Variants in ZCWPW2 observed in about 807,000 individuals in gnomAD.
ZCWPW2 encodes the protein zinc finger CW-type and PWWP domain containing 2, also known as zinc finger CW-type PWWP domain protein 2.
ZCWPW2 carries 45 observed loss-of-function variants against 46.6 expected under a neutral mutation model. The observed-to-expected ratio is 0.96, with a 90% CI of 0.76 to 1.24. ZCWPW2 has a LOEUF of 1.24. Among genes scored for constraint, ZCWPW2 ranks in the 50% most tolerant of loss-of-function variants. ZCWPW2 has a pLI of 0.00. For missense variants in ZCWPW2, 429 were observed against 403.9 expected (o/e 1.06, Z -0.53); for synonymous variants, 152 against 137.1 (o/e 1.11, Z -0.76).
chr3:28,479,013 A>G, intron 5 of ZCWPW2, 82 bp downstream of exon 5: 1 of 864,312 alleles, frequency 1.2e-6, no homozygotes, highest in Non-Finnish European at 1.8e-6. Context: ...TGCTCATTCA[A>G]AAATCTCTAT....
In ZCWPW2 at chr3:28,397,813, G is replaced by A. The variant is rs562192387; in HGVS notation, c.-14+7196G>A. Among the ~76,000 whole-genome samples the A allele has an allele frequency of 1.3e-3, 191 of 152,032 alleles. 1 individual carries two copies. Among genetic ancestry groups the A allele is most frequent in the Non-Finnish European group, 1.6e-3 (108 of 67,990 alleles). ...AAAGCTATACATACCTATAATAATC[G>A]TACTGTTATTAAGTTGCTTAGAACT... On this transcript the variant is annotated intron_variant, in intron 2 of 9. Transcript: ENST00000383768.
chr3:28,405,549 C>T (rs1696124765), intron 2 of ZCWPW2, among the ~76,000 whole-genome samples: 1 of 152,162 alleles, frequency 6.6e-6, no homozygotes, highest in South Asian at 2.1e-4. Flanking sequence ...AATCTTGGCT[C>T]ACTGCAACCT....
chr3:28,510,003 G>C (rs1365711560), intron 6 of ZCWPW2, among the ~76,000 whole-genome samples: 1 of 152,140 alleles, frequency 6.6e-6, no homozygotes. Flanking sequence ...GTGAGGTACA[G>C]GTTGAACTTC....
chr3:28,448,065 G>A (rs1249518773), intron 4 of ZCWPW2: 17 of 285,332 alleles, frequency 6.0e-5, no homozygotes. Context: ...CACAGAGTCA[G>A]AAAGCTAAAT....
At chr3:28,375,095 T>G (rs1487549021) in intron 1 of ZCWPW2, among the ~76,000 whole-genome samples, 1 of 152,066 alleles carries the variant, frequency 6.6e-6, no homozygotes, top group Non-Finnish European at 1.5e-5. Flanking sequence ...CCTCTTCATC[T>G]CTTTTTAGTC....
At chr3:28,406,247 A>G (rs1182236897) in intron 2 of ZCWPW2, among the ~76,000 whole-genome samples, 2 of 152,236 alleles carry the variant, frequency 1.3e-5, no homozygotes, top group South Asian at 4.1e-4. Flanking sequence ...ATGAGAAAGC[A>G]TGTTCAGGAG....
chr3:28,354,243 T>C (rs1704654519), intron 1 of ZCWPW2, among the ~76,000 whole-genome samples: 5 of 151,762 alleles, frequency 3.3e-5, no homozygotes. Flanking sequence ...GCAAATAAAC[T>C]AGAAAATCTA....
intron 4 of ZCWPW2, among the ~76,000 whole-genome samples, chr3:28,464,088 T>C (rs1575165253): frequency 6.6e-6 from 1 of 152,192 alleles, no homozygotes; most frequent in Non-Finnish European, 1.5e-5. Context: ...ATGGCCATTT[T>C]TCTTTACCTC....
intron 3 of ZCWPW2, among the ~76,000 whole-genome samples, chr3:28,434,693 C>G (rs1247563723): frequency 6.6e-6 from 1 of 152,184 alleles, no homozygotes; most frequent in Non-Finnish European, 1.5e-5. Context: ...AGCTCTCTCC[C>G]ACGCCATCAG....
chr3:28,430,332 A>C (rs906130869), intron 3 of ZCWPW2, among the ~76,000 whole-genome samples: 3 of 152,244 alleles, frequency 2.0e-5, no homozygotes, highest in African/African-American at 7.2e-5. Flanking sequence ...ATGGACTTAC[A>C]TGGGGCCTGA....
intron 4 of ZCWPW2, chr3:28,447,787 G>T: frequency 1.3e-6 from 1 of 780,578 alleles, no homozygotes; most frequent in South Asian, 1.3e-5. Context: ...ATAAAACTAG[G>T]CTTTCCTGAA....
intron 6 of ZCWPW2, among the ~76,000 whole-genome samples, chr3:28,513,707 A>C (rs1700487176): frequency 6.6e-6 from 1 of 151,986 alleles, no homozygotes; most frequent in South Asian, 2.1e-4. Flanking sequence ...ATAGCTTTGC[A>C]TTTCATGTGC....
At chr3:28,367,960 C>T (rs917557788) in intron 1 of ZCWPW2, among the ~76,000 whole-genome samples, 5 of 152,028 alleles carry the variant, frequency 3.3e-5, no homozygotes, top group South Asian at 2.1e-4. Flanking sequence ...AGAGACTAGG[C>T]TTGCAACCCC....
chr3:28,472,181 A>G (rs1479694983), intron 4 of ZCWPW2, among the ~76,000 whole-genome samples: 2 of 152,196 alleles, frequency 1.3e-5, no homozygotes, highest in Non-Finnish European at 2.9e-5. Context: ...TGCAATCCCT[A>G]TGAAAATACC....
chr3:28,468,154 G>A lies in ZCWPW2; in HGVS notation c.493-10660G>A, dbSNP rs117017411. Among the ~76,000 whole-genome samples the A allele has an allele frequency of 7.3e-4, 111 of 152,048 alleles. No individual in the cohort carries two copies. In the East Asian group the frequency reaches 0.018, roughly 25 times the overall value. On this transcript the variant is annotated intron_variant, in intron 4 of 9. Transcript: ENST00000383768. The stretch of plus-strand genomic sequence containing the variant: ...GAAAAGAATTAAGCAGAAGTTCTGG[G>A]TTGAAAAAATGCAATTGACATAGTG...
chr3:28,524,791 C>G lies in ZCWPW2; in HGVS notation c.*103C>G, dbSNP rs896001722. 3 of 999,556 alleles carry G rather than the reference C, an allele frequency of 3.0e-6. No homozygotes were observed. The African/African-American group carries it at 5.1e-5, about 17-fold the overall frequency. The allele number at this position is 999,556 out of a possible 1,614,324, so 61.9% of individuals were successfully genotyped here. On this transcript the variant is annotated 3_prime_UTR_variant, in exon 10 of 10. Transcript: ENST00000383768. Reference sequence around the variant, plus strand: ...TTTAGTGAAATAGGTATAAATTATACCAAAGTTTATATTTGCGGTAACTTT... The same window carrying G: ...TTTAGTGAAATAGGTATAAATTATAGCAAAGTTTATATTTGCGGTAACTTT...
chr3:28,522,374 G>T (rs1700746803), intron 9 of ZCWPW2, among the ~76,000 whole-genome samples: 1 of 152,136 alleles, frequency 6.6e-6, no homozygotes, highest in South Asian at 2.1e-4. Flanking sequence ...GAGAATAAGT[G>T]CTTAGATTTT....
In ZCWPW2 at chr3:28,354,371, A is replaced by G. The variant is rs1477189536; in HGVS notation, c.-134+5168A>G. Among the ~76,000 whole-genome samples, 3 of 133,862 alleles carry G rather than the reference A, an allele frequency of 2.2e-5. 1 individual carries two copies. Among genetic ancestry groups the G allele is most frequent in the Non-Finnish European group, 5.1e-5 (3 of 59,098 alleles). 87.8% of individuals were successfully genotyped at this position (133,862 alleles called of 152,430 possible). ...AATTGAGGCAATAAAGAGCCTACCA[A>G]TGAACAAAAAGTCTAGGACCAGACG... is the stretch of plus-strand genomic sequence containing the variant. On this transcript the variant is annotated intron_variant, in intron 1 of 9. Coordinates refer to ENST00000383768, the MANE Select transcript of ZCWPW2 (RefSeq NM_001040432.4).
At chr3:28,519,706 G>A (rs1363140614) in intron 8 of ZCWPW2, among the ~76,000 whole-genome samples, 1 of 152,146 alleles carries the variant, frequency 6.6e-6, no homozygotes, top group Non-Finnish European at 1.5e-5. Context: ...AGTGGAAGAT[G>A]AAGGGATGTG....
Sources: gnomAD v4.1 joint callset for allele counts (sites outside exome capture counted in the v4.1 genomes callset) on GRCh38, gnomAD v4.1.1 for gene constraint, MANE v1.5 for transcripts, NCBI Gene and HGNC (gene_info 2026-07-23, HGNC 2026-07-21) for gene names.